CERS6: variants seen among roughly 807,000 people sequenced by gnomAD.
CERS6 encodes the protein ceramide synthase 6.
A neutral mutation model predicts 56.8 loss-of-function variants in CERS6; 26 were observed. The ratio of observed to expected loss-of-function variants is 0.46; its 90% confidence interval spans 0.34 to 0.63. The LOEUF is 0.63. CERS6 is among the 30% of genes least tolerant of loss of function. The pLI, the probability that CERS6 is intolerant of heterozygous loss-of-function variation, is 0.01. For synonymous variants in CERS6, 164 were observed against 173.3 expected (o/e 0.95, Z 0.42); for missense variants, 415 against 467.5 (o/e 0.89, Z 1.04).
chr2:168,527,478 C>T (rs1391326252), intron 1 of CERS6, among the ~76,000 whole-genome samples: 15 of 152,132 alleles, frequency 9.9e-5, no homozygotes, highest in Admixed American at 9.8e-4. Flanking sequence ...CCATTTTATG[C>T]TGCTGTAATA....
At position 168,552,346 on chromosome 2, in the gene CERS6, GTA is replaced by G. The variant is rs1491357030; in HGVS notation, c.276+4648_276+4649del. On this transcript the variant is annotated intron_variant, in intron 2 of 9. Transcript: ENST00000305747. ...AAGAAACCCCCACCCTACATACAGAGTATACACACACACACACACACACACAC... is the reference window on the plus strand; with the variant it reads ...AAGAAACCCCCACCCTACATACAGAGTACACACACACACACACACACACAC... 3.0e-4 allele frequency among the ~76,000 whole-genome samples: 23 copies of G among 76,756 alleles called. No homozygotes were observed. The East Asian group carries it at 6.4e-3, about 21-fold the overall frequency. The allele number at this position is 76,756 out of a possible 152,430, so 50.4% of individuals were successfully genotyped here.
chr2:168,478,090 GTT>G (rs34329011), intron 1 of CERS6, among the ~76,000 whole-genome samples: 14 of 149,910 alleles, frequency 9.3e-5, no homozygotes, highest in Admixed American at 2.0e-4. Flanking sequence ...ATCATTCAGG[GTT>G]TTTTTTTTTG....
chr2:168,545,692 A>C (rs1310628458), intron 1 of CERS6, among the ~76,000 whole-genome samples: 1 of 152,240 alleles, frequency 6.6e-6, no homozygotes, highest in Non-Finnish European at 1.5e-5. Context: ...GAAGACAACC[A>C]GTTGATTAAA....
At chr2:168,711,485 G>A (rs1687087585) in intron 6 of CERS6, among the ~76,000 whole-genome samples, 1 of 152,166 alleles carries the variant, frequency 6.6e-6, no homozygotes, top group Admixed American at 6.5e-5. Flanking sequence ...TGTAATCCTA[G>A]CACTTTGGGA....
intron 1 of CERS6, among the ~76,000 whole-genome samples, chr2:168,507,313 T>C (rs918452384): frequency 6.6e-5 from 10 of 152,176 alleles, no homozygotes; most frequent in African/African-American, 2.2e-4. Context: ...CAGGAATATA[T>C]ATTGCATGTA....
chr2:168,688,164 G>C (rs1209275463), intron 4 of CERS6, among the ~76,000 whole-genome samples: 1 of 152,006 alleles, frequency 6.6e-6, no homozygotes, highest in Admixed American at 6.5e-5. Context: ...TCTAAATTGA[G>C]GGGTTTTAGT....
intron 3 of CERS6, among the ~76,000 whole-genome samples, chr2:168,593,850 C>A (rs1023870347): frequency 2.0e-5 from 3 of 152,188 alleles, no homozygotes; most frequent in Non-Finnish European, 4.4e-5. Context: ...TAAACTAAGT[C>A]TCCTTTGTCT....
At chr2:168,578,239 CTCAG>C (rs1039628283) in intron 3 of CERS6, among the ~76,000 whole-genome samples, 4 of 151,734 alleles carry the variant, frequency 2.6e-5, no homozygotes, top group South Asian at 2.1e-4. Context: ...TCTTATGTCC[CTCAG>C]TCAGTCTGTA....
At chr2:168,472,948 C>A (rs550635655) in intron 1 of CERS6, among the ~76,000 whole-genome samples, 1 of 152,286 alleles carries the variant, frequency 6.6e-6, no homozygotes, top group Non-Finnish European at 1.5e-5. Context: ...CATTGGAATA[C>A]TTTGTTTTGC....
At chr2:168,648,881 A>C (rs1376277232) in intron 4 of CERS6, among the ~76,000 whole-genome samples, 1 of 151,934 alleles carries the variant, frequency 6.6e-6, no homozygotes, top group Non-Finnish European at 1.5e-5. Context: ...GTTCTTTTGC[A>C]TTTAGTGAGG....
intron 1 of CERS6, among the ~76,000 whole-genome samples, chr2:168,492,086 G>A (rs1301571864): frequency 6.6e-6 from 1 of 152,180 alleles, no homozygotes; most frequent in African/African-American, 2.4e-5. Context: ...ACATACGTGT[G>A]CATGTGTCTT....
intron 8 of CERS6, among the ~76,000 whole-genome samples, chr2:168,738,990 ATTC>A (rs1683805650): frequency 1.3e-5 from 2 of 150,834 alleles, no homozygotes; most frequent in African/African-American, 2.4e-5. Context: ...GCTTCAAGCA[ATTC>A]TTCTGCCTCA....
At chr2:168,699,472 A>T (rs796346531) in intron 6 of CERS6, among the ~76,000 whole-genome samples, 4 of 152,348 alleles carry the variant, frequency 2.6e-5, no homozygotes, top group African/African-American at 9.6e-5. Flanking sequence ...TTGGCTCCAA[A>T]TGCATGCCTC....
intron 8 of CERS6, among the ~76,000 whole-genome samples, chr2:168,729,277 C>T (rs1234933865): frequency 1.3e-5 from 2 of 152,114 alleles, no homozygotes; most frequent in East Asian, 3.9e-4. Context: ...TGTATTTGAC[C>T]AGGCATCTCA....
rs1217296963 is a variant in CERS6 at position 168,717,872 on chromosome 2, G to T, written c.739G>T (p.Ala247Ser). ...TATATCACATTCCTTTCTTTCATAGGCTGCCAAAATGGCAAATTATGCCAA... is the reference window on the plus strand; with the variant it reads ...TATATCACATTCCTTTCTTTCATAGTCTGCCAAAATGGCAAATTATGCCAA... ...LHDSADALLEAAKMANYAKFQ... is the reference protein window; with the variant it reads ...LHDSADALLESAKMANYAKFQ... The change falls in exon 8 of 10, where the codon GCT becomes TCT. Residue 247 changes from alanine (A) to serine (S), a missense_variant and splice_region_variant. Transcript: ENST00000305747. 2 of 1,610,094 alleles carry T rather than the reference G, an allele frequency of 1.2e-6. No individual in the cohort carries two copies. Among genetic ancestry groups the T allele is most frequent in the South Asian group, 2.2e-5 (2 of 90,632 alleles).
At chr2:168,556,650 G>C (rs1166682184) in intron 2 of CERS6, among the ~76,000 whole-genome samples, 1 of 152,032 alleles carries the variant, frequency 6.6e-6, no homozygotes, top group Admixed American at 6.6e-5. Context: ...TATTTATTGA[G>C]TCTTGCTATA....
chr2:168,622,042 A>G (rs533080431), intron 3 of CERS6, among the ~76,000 whole-genome samples: 2 of 152,250 alleles, frequency 1.3e-5, no homozygotes, highest in Non-Finnish European at 2.9e-5. Flanking sequence ...ATTTTACAGT[A>G]CAGAGAAAAT....
intron 3 of CERS6, among the ~76,000 whole-genome samples, chr2:168,619,204 T>C (rs1276748215): frequency 6.6e-6 from 1 of 152,140 alleles, no homozygotes; most frequent in Non-Finnish European, 1.5e-5. Flanking sequence ...TCTACAAAAC[T>C]CAATTCAAGA....
At chr2:168,726,100 G>T (rs961320372) in intron 8 of CERS6, among the ~76,000 whole-genome samples, 1 of 152,188 alleles carries the variant, frequency 6.6e-6, no homozygotes, top group African/African-American at 2.4e-5. Flanking sequence ...TGGCTACTCA[G>T]TATTTGTTAA....
Sources: gnomAD v4.1 joint callset for allele counts (sites outside exome capture counted in the v4.1 genomes callset) on GRCh38, gnomAD v4.1.1 for gene constraint, MANE v1.5 for transcripts, NCBI Gene and HGNC (gene_info 2026-07-23, HGNC 2026-07-21) for gene names.